The following SYT16 variants were observed in gnomAD, a reference collection of about 807,000 sequenced individuals.
The protein encoded by SYT16 is synaptotagmin 16.
In SYT16, 42 loss-of-function variants were observed where a neutral mutation model predicts 61.4. The ratio of observed to expected loss-of-function variants is 0.68; its 90% CI spans 0.53 to 0.89. SYT16 has a LOEUF of 0.89. SYT16 is among the 40% of genes least tolerant of loss of function. The probability of loss-of-function intolerance (pLI) is 0.00; values close to 1 mark genes in which losing one functional copy is unlikely to be tolerated. For missense variants in SYT16, 804 were observed against 807.3 expected, an observed-to-expected ratio of 1.00 and a Z score of 0.05; for synonymous variants, 314 against 302.3, an observed-to-expected ratio of 1.04 and a Z score of -0.40.
intron 3 of SYT16, among the ~76,000 whole-genome samples, chr14:62,013,445 G>C (rs2053545174): frequency 1.3e-5 from 2 of 152,192 alleles, no homozygotes; most frequent in African/African-American, 4.8e-5. Flanking sequence ...CACATTCCTA[G>C]GTCGAGTTTA....
intron 1 of SYT16, among the ~76,000 whole-genome samples, chr14:61,892,367 TCTTTGCCCTCG>T (rs1439219659): frequency 2.0e-5 from 3 of 152,202 alleles, no homozygotes; most frequent in Non-Finnish European, 4.4e-5. Flanking sequence ...CTCCTTTCTC[TCTTTGCCCTCG>T]CTTTGTCCCC....
At chr14:61,935,721 G>C (rs553158439) in intron 1 of SYT16, among the ~76,000 whole-genome samples, 1 of 152,154 alleles carries the variant, frequency 6.6e-6, no homozygotes, top group East Asian at 1.9e-4. Flanking sequence ...GCTCTAAGTC[G>C]GTAGAGTTAG....
At position 61,866,859 on chromosome 14, in the gene SYT16, A is replaced by G. The variant is rs72716793; in HGVS notation, c.-325+54049A>G. 2.7e-3 allele frequency among the ~76,000 whole-genome samples: 407 copies of G among 152,126 alleles called. 1 individual carries two copies. The highest frequency in any genetic ancestry group is 4.4e-3 in the South Asian group (21 of 4,816). ...TCCAAAGTCAAAAGAATTTTCTCCA[A>G]TGTTTTTTCCTAGAAGTTTTATAGT... On this transcript the variant is annotated intron_variant, in intron 1 of 7. Coordinates refer to ENST00000683842, the MANE Select transcript of SYT16 (RefSeq NM_001367656.1).
intron 1 of SYT16, among the ~76,000 whole-genome samples, chr14:61,900,100 G>T (rs1015263873): frequency 3.3e-5 from 5 of 151,752 alleles, no homozygotes; most frequent in Admixed American, 6.6e-5. Context: ...CTCATACCTT[G>T]GGCAGCCCAC....
At chr14:61,988,329 C>T (rs1294242989) in intron 2 of SYT16, among the ~76,000 whole-genome samples, 7 of 152,178 alleles carry the variant, frequency 4.6e-5, no homozygotes, top group African/African-American at 1.2e-4. Flanking sequence ...GTGATAGTCT[C>T]TTTAAAAATA....
At position 61,816,449 on chromosome 14, in the gene SYT16, G is replaced by A. The variant is rs529378175; in HGVS notation, c.-325+3639G>A. Among the ~76,000 whole-genome samples the A allele has an allele frequency of 5.3e-5, 8 of 152,302 alleles. No homozygotes were observed. The South Asian group carries it at 1.7e-3, about 32-fold the overall frequency. Reference sequence around the variant, plus strand: ...GCTGAAAATGGATGGAAAATCTTGAGTTAAATGATTTCTAACCCTAGTCAT... The same window carrying A: ...GCTGAAAATGGATGGAAAATCTTGAATTAAATGATTTCTAACCCTAGTCAT... On this transcript the variant is annotated intron_variant, in intron 1 of 7. Coordinates refer to ENST00000683842, the MANE Select transcript of SYT16 (RefSeq NM_001367656.1).
At chr14:62,017,808 G>A (rs1437933051) in intron 3 of SYT16, among the ~76,000 whole-genome samples, 1 of 151,778 alleles carries the variant, frequency 6.6e-6, no homozygotes, top group African/African-American at 2.4e-5. Flanking sequence ...GCAGCCTTGA[G>A]CTCCTGTGTT....
At chr14:61,895,087 A>AT (rs2140345825) in intron 1 of SYT16, among the ~76,000 whole-genome samples, 1 of 152,260 alleles carries the variant, frequency 6.6e-6, no homozygotes, top group South Asian at 2.1e-4. Context: ...TAGAAACCTC[A>AT]TTTTTGGAAG....
intron 1 of SYT16, among the ~76,000 whole-genome samples, chr14:61,968,846 A>G (rs892447118): frequency 6.6e-6 from 1 of 152,192 alleles, no homozygotes; most frequent in Non-Finnish European, 1.5e-5. Flanking sequence ...GGGAGAGGGC[A>G]TAATCAATAT....
chr14:61,945,724 C>A (rs370568113), intron 1 of SYT16, among the ~76,000 whole-genome samples: 3 of 151,782 alleles, frequency 2.0e-5, no homozygotes, highest in Non-Finnish European at 4.4e-5. Context: ...GGCGTGGTGG[C>A]GGGTGCCTGT....
chr14:61,938,168 C>T (rs904615465), intron 1 of SYT16, among the ~76,000 whole-genome samples: 35 of 152,112 alleles, frequency 2.3e-4, no homozygotes, highest in Middle Eastern at 3.4e-3. Flanking sequence ...AAATGAGATA[C>T]GCAAACAGGG....
rs1250126385 is a variant in SYT16 at position 62,059,741 on chromosome 14, TAATC to T, written c.524-9859_524-9856del. Among the ~76,000 whole-genome samples the T allele has an allele frequency of 7.5e-5, 11 of 146,764 alleles. No individual in the cohort carries two copies. The South Asian group carries it at 1.7e-3, about 23-fold the overall frequency. On this transcript the variant is annotated intron_variant, in intron 3 of 7. Coordinates refer to ENST00000683842, the MANE Select transcript of SYT16 (RefSeq NM_001367656.1). ...TATATGTATAGCTACATATATAAATTAATCAAAATCATATATATGTGTATATGTA... is the reference window on the plus strand; with the variant it reads ...TATATGTATAGCTACATATATAAATTAAAATCATATATATGTGTATATGTA...
chr14:62,083,190 A>G (rs1194561031), intron 6 of SYT16, among the ~76,000 whole-genome samples: 1 of 152,218 alleles, frequency 6.6e-6, no homozygotes, highest in Non-Finnish European at 1.5e-5. Context: ...TGGTTTGGTA[A>G]ACAGGATACT....
chr14:61,971,787 T>A (rs1566727904), intron 2 of SYT16, among the ~76,000 whole-genome samples: 2 of 152,246 alleles, frequency 1.3e-5, no homozygotes. Flanking sequence ...GTGGCCTTAT[T>A]TTTTGAACTT....
intron 3 of SYT16, among the ~76,000 whole-genome samples, chr14:62,059,872 G>A (rs965425442): frequency 1.5e-4 from 23 of 151,568 alleles, no homozygotes; most frequent in African/African-American, 5.3e-4. Flanking sequence ...ATCAGTTTTT[G>A]AAAAGACTTT....
chr14:62,082,041 G>A (rs1595371708), intron 6 of SYT16, among the ~76,000 whole-genome samples: 1 of 152,210 alleles, frequency 6.6e-6, no homozygotes, highest in East Asian at 1.9e-4. Flanking sequence ...AGGAGACAGA[G>A]TGATAGGCTG....
intron 1 of SYT16, among the ~76,000 whole-genome samples, chr14:61,817,398 A>G (rs1030556488): frequency 1.3e-5 from 2 of 151,420 alleles, no homozygotes; most frequent in East Asian, 1.9e-4. Context: ...AGCCTGGGCA[A>G]CAAGAGCAAA....
intron 1 of SYT16, among the ~76,000 whole-genome samples, chr14:61,906,619 T>A (rs1365263689): frequency 6.6e-6 from 1 of 152,220 alleles, no homozygotes; most frequent in Non-Finnish European, 1.5e-5. Flanking sequence ...TATGCAGTTT[T>A]AGTTTCTTCT....
At chr14:61,980,813 T>G (rs2152484) in intron 2 of SYT16, among the ~76,000 whole-genome samples, 139,912 of 152,250 alleles carry the variant, frequency 0.92, 64,352 homozygotes, top group African/African-American at 0.95. Context: ...CTAATTGACA[T>G]GACAGGGAGA....
Sources: gnomAD v4.1 joint callset for allele counts (sites outside exome capture counted in the v4.1 genomes callset) on GRCh38, gnomAD v4.1.1 for gene constraint, MANE v1.5 for transcripts, NCBI Gene and HGNC (gene_info 2026-07-23, HGNC 2026-07-21) for gene names.